The following SAMD4B variants were observed in gnomAD, a reference collection of about 807,000 sequenced individuals.
SAMD4B encodes sterile alpha motif domain containing 4B, also known as protein Smaug homolog 2.
SAMD4B carries 5 observed loss-of-function variants against 74.5 expected under a neutral mutation model. That is an observed-to-expected ratio of 0.07 (90% CI 0.04 to 0.14). The LOEUF (loss-of-function observed/expected upper bound fraction) is 0.14. SAMD4B is among the 10% of genes least tolerant of loss of function. The probability of loss-of-function intolerance (pLI) is 1.00; values close to 1 mark genes in which losing one functional copy is unlikely to be tolerated. For synonymous variants in SAMD4B, 373 were observed against 374.9 expected, an observed-to-expected ratio of 1.00 and a Z score of 0.06; for missense variants, 608 against 921.8, an observed-to-expected ratio of 0.66 and a Z score of 4.41.
At chr19:39,358,283 C>G (rs766697188) in intron 3 of SAMD4B, among the ~76,000 whole-genome samples, 3 of 152,040 alleles carry the variant, frequency 2.0e-5, no homozygotes, top group African/African-American at 7.2e-5. Flanking sequence ...AACAAACAAA[C>G]AAAAAAAGCA....
chr19:39,343,371 C>G (rs1453151530), intron 1 of SAMD4B, among the ~76,000 whole-genome samples: 1 of 150,914 alleles, frequency 6.6e-6, no homozygotes, highest in South Asian at 2.1e-4. Context: ...TGATCATCTT[C>G]CCTGAAGATC....
At chr19:39,380,543 C>T (rs370028769) in intron 10 of SAMD4B, 44 bp from the exon 11 acceptor site, 2 of 1,595,326 alleles carry the variant, frequency 1.3e-6, no homozygotes, top group African/African-American at 2.7e-5. Flanking sequence ...GACAGATAGG[C>T]CCCATCTATG....
chr19:39,349,171 T>C (rs2075874926), intron 1 of SAMD4B, among the ~76,000 whole-genome samples: 1 of 151,958 alleles, frequency 6.6e-6, no homozygotes, highest in African/African-American at 2.4e-5. Context: ...AAAAGAAATA[T>C]CAAGACCTAA....
At chr19:39,350,274 CAG>C (rs1428334539) in intron 1 of SAMD4B, 1 of 152,096 alleles carries the variant, frequency 6.6e-6, no homozygotes, top group African/African-American at 2.4e-5. Flanking sequence ...GAGGAAGAAA[CAG>C]AGTTACTTGT....
chr19:39,345,352 G>A (rs1326315951), intron 1 of SAMD4B, among the ~76,000 whole-genome samples: 2 of 152,170 alleles, frequency 1.3e-5, no homozygotes, highest in African/African-American at 4.8e-5. Context: ...CATCCTCTGA[G>A]CAGTTATTTC....
rs764616741 is a variant in SAMD4B, at chr19:39,356,875, T to C, written c.-19T>C. On this transcript the variant is annotated 5_prime_UTR_variant, in exon 3 of 14. Transcript: ENST00000610417. ...CCTCGCCACCGCCGTCCCCCGACCCTGGCCCCAGGCCCGGCACCATGATGT... is the reference window on the plus strand; with the variant it reads ...CCTCGCCACCGCCGTCCCCCGACCCCGGCCCCAGGCCCGGCACCATGATGT... 4 of 1,595,018 alleles carry C rather than the reference T, an allele frequency of 2.5e-6. No individual in the cohort carries two copies. In the African/African-American group the frequency reaches 5.4e-5, roughly 21 times the overall value.
At position 39,384,312 on chromosome 19, in the gene SAMD4B, C is replaced by G. The variant is rs917674689; in HGVS notation, c.*785C>G. The G allele has an allele frequency of 5.9e-5, 9 of 152,584 alleles. No individual in the cohort carries two copies. The highest frequency in any genetic ancestry group is 2.2e-4 in the African/African-American group (9 of 41,398). The allele number at this position is 152,584 out of a possible 1,614,324, so 9.5% of individuals were successfully genotyped here. On this transcript the variant is annotated 3_prime_UTR_variant, in exon 14 of 14. Transcript: ENST00000610417. ...GCCCCCTCCTCCAGACCCTCAAGCT[C>G]TAACCCATTTTCCTCCAGCCCTGGC...
chr19:39,363,582 C>T (rs1031945703), intron 3 of SAMD4B, among the ~76,000 whole-genome samples: 5 of 152,284 alleles, frequency 3.3e-5, no homozygotes, highest in African/African-American at 9.6e-5. Flanking sequence ...ACATGCCAGA[C>T]GCTTTGCATG....
rs148809539 is a variant in SAMD4B, at chr19:39,350,214, C to G, written c.-266-3792C>G. On this transcript the variant is annotated intron_variant, in intron 1 of 13. Coordinates refer to ENST00000610417, the MANE Select transcript of SAMD4B (RefSeq NM_001384574.2). ...TAGAGGAGGAAAAAAGCATCATGCG[C>G]GGTATTTTTAAATACATTGTTTCAT... is the stretch of plus-strand genomic sequence containing the variant. The G allele has an allele frequency of 3.3e-5, 5 of 152,230 alleles. No individual in the cohort carries two copies. In the East Asian group the frequency reaches 7.7e-4, roughly 23 times the overall value. 9.4% of individuals were successfully genotyped at this position (152,230 alleles called of 1,614,324 possible). A position where few individuals can be genotyped will look rare whatever the true frequency, so the allele number is the denominator to read the frequency against.
chr19:39,386,069 G>A (rs116177418), downstream of SAMD4B: 1,094 of 1,613,914 alleles, frequency 6.8e-4, 6 homozygotes, highest in African/African-American at 0.013. The surrounding 1 kb of genome is among the most constrained non-coding windows in gnomAD (Gnocchi z 6.1). Context: ...AGTGCTCGCT[G>A]CCACTGGGGA....
chr19:39,356,844 G>T lies in SAMD4B; in HGVS notation c.-50G>T. 1 of 1,505,188 alleles carries T rather than the reference G, an allele frequency of 6.6e-7. No individual in the cohort carries two copies. Among genetic ancestry groups the T allele is most frequent in the South Asian group, 1.2e-5 (1 of 82,012 alleles). 93.2% of individuals were successfully genotyped at this position (1,505,188 alleles called of 1,614,324 possible). A position where few individuals can be genotyped will look rare whatever the true frequency, so the allele number is the denominator to read the frequency against. On this transcript the variant is annotated 5_prime_UTR_variant, in exon 3 of 14. Transcript: ENST00000610417. ...GCCAGAGCCGGGACCATGTGACGGC[G>T]CTGGCCCTCGCCACCGCCGTCCCCC...
chr19:39,356,890 C>T lies in SAMD4B; in HGVS notation c.-4C>T, dbSNP rs377272290. 2 of 1,603,266 alleles carry T rather than the reference C, an allele frequency of 1.2e-6. No individual in the cohort carries two copies. Among genetic ancestry groups the T allele is most frequent in the African/African-American group, 1.3e-5 (1 of 74,840 alleles). The stretch of plus-strand genomic sequence containing the variant: ...CCCCCGACCCTGGCCCCAGGCCCGG[C>T]ACCATGATGTTCCGAGACCAGGTGG... On this transcript the variant is annotated 5_prime_UTR_variant, in exon 3 of 14. Transcript: ENST00000610417.
intron 1 of SAMD4B, among the ~76,000 whole-genome samples, chr19:39,353,730 T>C (rs529584704): frequency 6.6e-6 from 1 of 152,242 alleles, no homozygotes; most frequent in East Asian, 1.9e-4. Flanking sequence ...GCTTCCCAAG[T>C]AGCTCGGACT....
intron 2 of SAMD4B, among the ~76,000 whole-genome samples, chr19:39,355,448 T>A (rs1284934115): frequency 6.6e-6 from 1 of 152,168 alleles, no homozygotes; most frequent in African/African-American, 2.4e-5. Flanking sequence ...GCACGGAAGT[T>A]CAGAGAGATG....
At position 39,369,795 on chromosome 19, in the gene SAMD4B, A is replaced by G. The variant is rs1031511519; in HGVS notation, c.337A>G (p.Ile113Val). ...RLLQKVLAYS[I>V]ESNAFIEESR... is the part of the protein sequence containing the mutation. ...ACTGCAGAAAGTGCTGGCCTACTCA[A>G]TCGAGAGCAATGCTTTCATCGAGGA... The change falls in exon 4 of 14, where the codon ATC becomes GTC. Residue 113 changes from isoleucine (I) to valine (V), a missense_variant. Ile to Val is a conservative substitution (Grantham distance 29, BLOSUM62 3). This residue lies in a region of SAMD4B where 74 missense variants were observed against 182.0 expected (regional missense o/e 0.41). Coordinates refer to ENST00000610417, the MANE Select transcript of SAMD4B (RefSeq NM_001384574.2). 2 of 1,614,080 alleles carry G rather than the reference A, an allele frequency of 1.2e-6. No individual in the cohort carries two copies. The highest frequency in any genetic ancestry group is 1.7e-6 in the Non-Finnish European group (2 of 1,180,026).
intron 3 of SAMD4B, among the ~76,000 whole-genome samples, chr19:39,366,037 C>T (rs1020788625): frequency 9.9e-5 from 15 of 152,142 alleles, no homozygotes; most frequent in African/African-American, 3.6e-4. Context: ...AAGTAACAGG[C>T]AGGACACGGT....
At chr19:39,369,413 A>G in intron 3 of SAMD4B, 2 of 532,044 alleles carry the variant, frequency 3.8e-6, no homozygotes, top group South Asian at 4.3e-5. Flanking sequence ...TAGCCACTGC[A>G]CTGCAGCCTG....
intron 1 of SAMD4B, among the ~76,000 whole-genome samples, chr19:39,352,931 T>C (rs1190400588): frequency 2.0e-5 from 3 of 152,114 alleles, no homozygotes; most frequent in Admixed American, 6.6e-5. Flanking sequence ...AATAGTAACA[T>C]GTCCTTCTAT....
At chr19:39,376,063 C>G (rs2077582091) in intron 5 of SAMD4B, among the ~76,000 whole-genome samples, 174 bp downstream of exon 5, 3 of 152,170 alleles carry the variant, frequency 2.0e-5, no homozygotes, top group Admixed American at 2.0e-4. Context: ...GACCCCACAT[C>G]TACCCTAACA....
Sources: allele counts gnomAD v4.1 joint callset (sites outside exome capture counted in the v4.1 genomes callset), GRCh38; gene constraint gnomAD v4.1.1; regional missense constraint gnomAD v4.1.1; non-coding constraint Gnocchi (gnomAD v3.1); transcripts MANE v1.5; gene names NCBI Gene and HGNC (gene_info 2026-07-23, HGNC 2026-07-21).